SLIT3: variants seen among roughly 807,000 people sequenced by gnomAD.
SLIT3 encodes slit homolog 3 protein.
In SLIT3, 68 loss-of-function variants were observed where a neutral mutation model predicts 184.0. That is an observed-to-expected ratio of 0.37 (90% CI 0.30 to 0.45). The LOEUF (loss-of-function observed/expected upper bound fraction) is 0.45, where lower values mean the gene tolerates loss of function less well. Among genes scored for constraint, SLIT3 ranks in the 20% least tolerant of loss-of-function variants. The probability of loss-of-function intolerance (pLI) is 1.00; values close to 1 mark genes in which losing one functional copy is unlikely to be tolerated. For synonymous variants in SLIT3, 831 were observed against 828.6 expected, an observed-to-expected ratio of 1.00 and a Z score of -0.05; for missense variants, 1,707 against 2,026.0, an observed-to-expected ratio of 0.84 and a Z score of 3.02.
At chr5:169,293,399 C>A (rs997885343) in intron 1 of SLIT3, among the ~76,000 whole-genome samples, 1 of 152,158 alleles carries the variant, frequency 6.6e-6, no homozygotes, top group East Asian at 1.9e-4. Flanking sequence ...GACCAACCTT[C>A]GTGTGGTTGG....
intron 1 of SLIT3, among the ~76,000 whole-genome samples, chr5:169,288,808 T>C (rs1767245247): frequency 6.6e-6 from 1 of 152,178 alleles, no homozygotes; most frequent in African/African-American, 2.4e-5. Context: ...ATATTTTAAT[T>C]TGTAAAAGAT....
intron 4 of SLIT3, among the ~76,000 whole-genome samples, chr5:168,937,583 C>T (rs1475675880): frequency 6.6e-6 from 1 of 152,010 alleles, no homozygotes; most frequent in African/African-American, 2.4e-5. Flanking sequence ...ATGGCATTGG[C>T]CTTGTGCGGC....
chr5:169,009,281 G>T (rs555568854), intron 4 of SLIT3, among the ~76,000 whole-genome samples: 1 of 152,304 alleles, frequency 6.6e-6, no homozygotes, highest in South Asian at 2.1e-4. Context: ...TCGCTTCTCA[G>T]ATCCCACATA....
At chr5:169,076,965 TACAC>T (rs138683588) in intron 4 of SLIT3, among the ~76,000 whole-genome samples, 1 of 150,724 alleles carries the variant, frequency 6.6e-6, no homozygotes, top group African/African-American at 2.4e-5. Context: ...CACACACACA[TACAC>T]ACACACACAC....
At chr5:169,197,267 AC>A (rs1162921803) in intron 3 of SLIT3, among the ~76,000 whole-genome samples, 1 of 152,118 alleles carries the variant, frequency 6.6e-6, no homozygotes, top group Non-Finnish European at 1.5e-5. Flanking sequence ...AAGCCTTGGG[AC>A]CTTTCCACTT....
intron 20 of SLIT3, among the ~76,000 whole-genome samples, chr5:168,746,896 TGGTGTGTGA>T: frequency 2.1e-5 from 1 of 47,318 alleles, no homozygotes; most frequent in Non-Finnish European, 3.8e-5. Flanking sequence ...TGGTGGTGTG[TGGTGTGTGA>T]GTGTGGTGGT....
intron 1 of SLIT3, among the ~76,000 whole-genome samples, chr5:169,261,838 G>A (rs565722861): frequency 6.6e-6 from 1 of 152,260 alleles, no homozygotes; most frequent in Admixed American, 6.5e-5. Context: ...ATGTTACATG[G>A]GACGGCAATG....
chr5:168,702,663 C>T (rs1278191672), intron 26 of SLIT3, among the ~76,000 whole-genome samples: 2 of 140,898 alleles, frequency 1.4e-5, no homozygotes, highest in Non-Finnish European at 3.0e-5. Flanking sequence ...ATGGCAGCTC[C>T]ATAAATAATA....
At chr5:168,792,928 C>T (rs1055309848) in intron 10 of SLIT3, among the ~76,000 whole-genome samples, 1 of 152,206 alleles carries the variant, frequency 6.6e-6, no homozygotes, top group African/African-American at 2.4e-5. Context: ...AACTTCATAT[C>T]ATGCACAAAA....
At chr5:169,236,287 G>A (rs189166159) in intron 3 of SLIT3, among the ~76,000 whole-genome samples, 47 of 151,952 alleles carry the variant, frequency 3.1e-4, no homozygotes, top group Middle Eastern at 3.4e-3. Flanking sequence ...ATTTTGTTTT[G>A]AGCACTCCCT....
intron 4 of SLIT3, among the ~76,000 whole-genome samples, chr5:169,029,131 C>A (rs1211353261): frequency 6.6e-6 from 1 of 152,186 alleles, no homozygotes; most frequent in East Asian, 1.9e-4. Context: ...CATGCAATAG[C>A]AAAGCAAGTT....
chr5:169,240,336 T>G (rs1164306361), intron 3 of SLIT3, among the ~76,000 whole-genome samples: 3 of 151,832 alleles, frequency 2.0e-5, no homozygotes, highest in African/African-American at 7.2e-5. Flanking sequence ...CCAAAAAGTG[T>G]ATCTTAACTA....
intron 4 of SLIT3, among the ~76,000 whole-genome samples, chr5:168,975,078 C>T (rs186795489): frequency 1.3e-5 from 2 of 152,276 alleles, no homozygotes; most frequent in Admixed American, 1.3e-4. Context: ...GGCACACAGA[C>T]CCCCCTACTG....
intron 1 of SLIT3, among the ~76,000 whole-genome samples, chr5:169,296,165 A>C (rs1388368705): frequency 1.3e-5 from 2 of 152,206 alleles, no homozygotes; most frequent in Admixed American, 6.5e-5. Flanking sequence ...GCAGATCTAT[A>C]ATGGCCCATC....
chr5:169,070,411 G>A (rs1330109945), intron 4 of SLIT3, among the ~76,000 whole-genome samples: 1 of 152,162 alleles, frequency 6.6e-6, no homozygotes, highest in Non-Finnish European at 1.5e-5. Context: ...GTATTGGGTA[G>A]AATCTCAGGC....
chr5:168,976,224 C>G (rs1754752112), intron 4 of SLIT3, among the ~76,000 whole-genome samples: 1 of 152,150 alleles, frequency 6.6e-6, no homozygotes, highest in East Asian at 1.9e-4. Flanking sequence ...CAAGGTTGTT[C>G]CACTTGGGAG....
At chr5:168,666,793 G>C (rs1761066712) in intron 35 of SLIT3, 104 bp from the exon 36 acceptor site, 1 of 1,553,924 alleles carries the variant, frequency 6.4e-7, no homozygotes, top group Admixed American at 1.9e-5. Context: ...TCTGAAGACT[G>C]TAAGAATTTA....
intron 4 of SLIT3, among the ~76,000 whole-genome samples, chr5:169,084,491 T>C (rs1275563477): frequency 6.7e-6 from 1 of 148,280 alleles, no homozygotes; most frequent in Non-Finnish European, 1.5e-5. Context: ...TTCTGGTATT[T>C]AGTAGAGACG....
intron 4 of SLIT3, among the ~76,000 whole-genome samples, chr5:168,907,963 T>TAG (rs1282182817): frequency 8.2e-4 from 65 of 79,442 alleles, no homozygotes; most frequent in African/African-American, 2.0e-3. Context: ...TATATATATA[T>TAG]ATATATATAT....
Sources: allele counts gnomAD v4.1 joint callset (sites outside exome capture counted in the v4.1 genomes callset), GRCh38; gene constraint gnomAD v4.1.1; transcripts MANE v1.5; gene names NCBI Gene and HGNC (gene_info 2026-07-23, HGNC 2026-07-21).